Variants in SAMD3 observed in about 807,000 individuals in gnomAD.
SAMD3 encodes sterile alpha motif domain-containing protein 3.
In SAMD3, 63 loss-of-function variants were observed where a neutral mutation model predicts 58.5. That is an observed-to-expected ratio of 1.08 (90% confidence interval 0.88 to 1.33). The LOEUF (loss-of-function observed/expected upper bound fraction) is 1.33, where lower values mean the gene tolerates loss of function less well. Among genes scored for constraint, SAMD3 ranks in the 40% most tolerant of loss-of-function variants. SAMD3 has a pLI of 0.00. For synonymous variants in SAMD3, 220 were observed against 210.3 expected, an observed-to-expected ratio of 1.05 and a Z score of -0.40; for missense variants, 604 against 608.4, an observed-to-expected ratio of 0.99 and a Z score of 0.08.
At chr6:130,188,904 C>G (rs1562419151) in intron 5 of SAMD3, among the ~76,000 whole-genome samples, 1 of 152,030 alleles carries the variant, frequency 6.6e-6, no homozygotes, top group Non-Finnish European at 1.5e-5. Context: ...CCCCTTAATC[C>G]TCTGTATTGA....
chr6:130,349,743 CA>C (rs1241715129), intron 1 of SAMD3, among the ~76,000 whole-genome samples: 12 of 152,068 alleles, frequency 7.9e-5, no homozygotes, highest in African/African-American at 2.9e-4. Context: ...ATCTTGATAC[CA>C]AAGCTTGGCA....
chr6:130,359,507 G>A (rs1297706960), intron 1 of SAMD3, among the ~76,000 whole-genome samples: 1 of 152,154 alleles, frequency 6.6e-6, no homozygotes, highest in Non-Finnish European at 1.5e-5. Flanking sequence ...ATCTTTCAGA[G>A]CCAAGATCTT....
chr6:130,285,866 A>C (rs2114956166), intron 2 of SAMD3, among the ~76,000 whole-genome samples: 1 of 152,166 alleles, frequency 6.6e-6, no homozygotes, highest in East Asian at 1.9e-4. Flanking sequence ...AGGAGAGAGA[A>C]ATTTACATTT....
intron 2 of SAMD3, among the ~76,000 whole-genome samples, chr6:130,247,175 T>C (rs73604000): frequency 6.6e-6 from 1 of 152,090 alleles, no homozygotes; most frequent in African/African-American, 2.4e-5. Context: ...GGAATCATCA[T>C]GAAAATGTTC....
At chr6:130,277,639 C>CT (rs988539966) in intron 2 of SAMD3, among the ~76,000 whole-genome samples, 3 of 152,236 alleles carry the variant, frequency 2.0e-5, no homozygotes, top group African/African-American at 7.2e-5. Context: ...TTTCAAGGAT[C>CT]TTTTTATGAA....
At chr6:130,155,988 C>T (rs752791789) in intron 8 of SAMD3, among the ~76,000 whole-genome samples, 1 of 152,120 alleles carries the variant, frequency 6.6e-6, no homozygotes, top group African/African-American at 2.4e-5. Flanking sequence ...GTTTTACAGA[C>T]AAAATCTACT....
intron 5 of SAMD3, among the ~76,000 whole-genome samples, chr6:130,191,301 A>G (rs925289104): frequency 1.3e-5 from 2 of 151,998 alleles, no homozygotes; most frequent in East Asian, 1.9e-4. Context: ...ACTGCTTCCT[A>G]TTTCTGAGGA....
At chr6:130,205,154 TAAAAA>T (rs10680576) in intron 5 of SAMD3, among the ~76,000 whole-genome samples, 1 of 138,198 alleles carries the variant, frequency 7.2e-6, no homozygotes, top group Non-Finnish European at 1.5e-5. Flanking sequence ...TTTGGCTCTG[TAAAAA>T]AAAAAAAAAA....
intron 1 of SAMD3, among the ~76,000 whole-genome samples, chr6:130,347,483 G>A (rs1013333177): frequency 1.3e-5 from 2 of 152,206 alleles, no homozygotes; most frequent in Non-Finnish European, 2.9e-5. Context: ...GTCAGTGATG[G>A]AAGATCAAAT....
At chr6:130,193,311 G>A (rs1793730412) in intron 5 of SAMD3, among the ~76,000 whole-genome samples, 2 of 151,814 alleles carry the variant, frequency 1.3e-5, no homozygotes. Context: ...CTGGGGGAGG[G>A]GCAAGTACCC....
At chr6:130,189,103 CA>C (rs71028200) in intron 5 of SAMD3, among the ~76,000 whole-genome samples, 53,512 of 138,398 alleles carry the variant, frequency 0.39, 10,343 homozygotes, top group African/African-American at 0.51. Flanking sequence ...TTAAAAAAAC[CA>C]AAAAAAAAAA....
intron 8 of SAMD3, among the ~76,000 whole-genome samples, chr6:130,164,054 A>T (rs1370277043): frequency 6.7e-6 from 1 of 150,344 alleles, no homozygotes; most frequent in African/African-American, 2.5e-5. Context: ...TATCAAATCC[A>T]TGCATCAGTA....
chr6:130,338,210 C>T (rs915876293), intron 1 of SAMD3, among the ~76,000 whole-genome samples: 1 of 152,188 alleles, frequency 6.6e-6, no homozygotes, highest in Admixed American at 6.5e-5. Flanking sequence ...AGGGTTCAAG[C>T]CCCAAGACTT....
At chr6:130,245,855 C>A (rs1307273745) in intron 2 of SAMD3, among the ~76,000 whole-genome samples, 1 of 151,544 alleles carries the variant, frequency 6.6e-6, no homozygotes, top group Non-Finnish European at 1.5e-5. Flanking sequence ...ATTTTTTTTT[C>A]TATTTTGTGG....
upstream of SAMD3, among the ~76,000 whole-genome samples, chr6:130,226,171 G>A (rs907156793): frequency 1.6e-4 from 24 of 152,306 alleles, no homozygotes; most frequent in African/African-American, 5.1e-4. Context: ...TTATTGAAGG[G>A]TGCAGAGGTT....
rs1169066063 is a variant in SAMD3 at position 130,357,118 on chromosome 6, CTTTTTTTTTT to C, written c.-304+7992_-304+8001del. Among the ~76,000 whole-genome samples the C allele has an allele frequency of 4.7e-3, 434 of 91,760 alleles. 1 individual carries two copies. The highest frequency in any genetic ancestry group is 9.0e-3 in the Admixed American group (62 of 6,914). 60.2% of individuals were successfully genotyped at this position (91,760 alleles called of 152,430 possible). A position where few individuals can be genotyped will look rare whatever the true frequency, so the allele number is the denominator to read the frequency against. Reference sequence around the variant, plus strand: ...TTTAAAAAATTATCTGCCATGGCATCTTTTTTTTTTTTTTTTTTTTTTTTGAGACGGAGTC... The same window carrying C: ...TTTAAAAAATTATCTGCCATGGCATCTTTTTTTTTTTTTTGAGACGGAGTC... On this transcript the variant is annotated intron_variant, in intron 1 of 13. Transcript: ENST00000368134.
chr6:130,333,417 A>G (rs1777003192), intron 1 of SAMD3, among the ~76,000 whole-genome samples: 1 of 152,160 alleles, frequency 6.6e-6, no homozygotes, highest in Non-Finnish European at 1.5e-5. Context: ...TCTCCTCAGG[A>G]GTAACTAAGA....
intron 8 of SAMD3, chr6:130,162,171 TAG>T: frequency 4.4e-6 from 3 of 676,052 alleles, no homozygotes; most frequent in Admixed American, 2.2e-5. Context: ...TTTGGCAACA[TAG>T]AGTGTGGTCT....
chr6:130,244,694 C>T (rs1011245766), intron 2 of SAMD3, among the ~76,000 whole-genome samples: 2 of 151,136 alleles, frequency 1.3e-5, no homozygotes, highest in Non-Finnish European at 3.0e-5. Context: ...GAGCTGAGAT[C>T]GTGCCACTGT....
Sources: allele counts gnomAD v4.1 joint callset (sites outside exome capture counted in the v4.1 genomes callset), GRCh38; gene constraint gnomAD v4.1.1; transcripts MANE v1.5; gene names NCBI Gene and HGNC (gene_info 2026-07-23, HGNC 2026-07-21).